NIPBL: variants seen among roughly 807,000 people sequenced by gnomAD.
NIPBL encodes NIPBL cohesin loading factor.
Under a neutral mutation model 321.8 loss-of-function variants are expected in NIPBL, and 19 were observed. The observed-to-expected ratio is 0.06, with a 90% CI of 0.04 to 0.09. The LOEUF is 0.09. Among genes scored for constraint, NIPBL ranks in the 10% least tolerant of loss-of-function variants. NIPBL has a pLI of 1.00. For missense variants in NIPBL, 2,210 were observed against 3,327.0 expected (o/e 0.66, Z 8.26); for synonymous variants, 1,106 against 1,114.1 (o/e 0.99, Z 0.14).
At chr5:36,932,072 G>T (rs541311330) in intron 1 of NIPBL, among the ~76,000 whole-genome samples, 1 of 151,824 alleles carries the variant, frequency 6.6e-6, no homozygotes, top group Non-Finnish European at 1.5e-5. Context: ...GATTTCTTTC[G>T]GTTATGGGTT....
chr5:37,038,907 A>G (rs1409120346), intron 34 of NIPBL, among the ~76,000 whole-genome samples, 169 bp downstream of exon 34: 1 of 152,172 alleles, frequency 6.6e-6, no homozygotes, highest in Non-Finnish European at 1.5e-5. Flanking sequence ...TCTGACATAA[A>G]TAAAGTTCAG....
intron 11 of NIPBL, among the ~76,000 whole-genome samples, chr5:36,999,584 G>T (rs887733249): frequency 2.0e-5 from 3 of 152,210 alleles, no homozygotes; most frequent in Non-Finnish European, 4.4e-5. Flanking sequence ...GTTGATGAGA[G>T]TTGATGTGTT....
intron 1 of NIPBL, among the ~76,000 whole-genome samples, chr5:36,906,064 G>T (rs1747612861): frequency 6.6e-6 from 1 of 152,028 alleles, no homozygotes; most frequent in Admixed American, 6.5e-5. Context: ...TATTAATGGG[G>T]AAGGAAAAAC....
At chr5:36,883,949 T>G (rs1267427369) in intron 1 of NIPBL, among the ~76,000 whole-genome samples, 1 of 152,042 alleles carries the variant, frequency 6.6e-6, no homozygotes, top group South Asian at 2.1e-4. Flanking sequence ...AATTTCTTCC[T>G]AGGGTTCTGC....
intron 1 of NIPBL, among the ~76,000 whole-genome samples, chr5:36,915,813 C>T (rs1748413436): frequency 6.6e-6 from 1 of 152,108 alleles, no homozygotes; most frequent in Non-Finnish European, 1.5e-5. Context: ...CCAAAACTGA[C>T]TTCATCTTTT....
intron 1 of NIPBL, among the ~76,000 whole-genome samples, chr5:36,922,399 G>A (rs1337220161): frequency 6.6e-6 from 1 of 151,996 alleles, no homozygotes; most frequent in Non-Finnish European, 1.5e-5. Context: ...TCTCATCTGA[G>A]GTTACCCACT....
chr5:37,011,291 C>T (rs1449784231), intron 21 of NIPBL, among the ~76,000 whole-genome samples: 1 of 152,160 alleles, frequency 6.6e-6, no homozygotes, highest in Non-Finnish European at 1.5e-5. Flanking sequence ...CACTTTGGCT[C>T]ATGCCCATAA....
At chr5:36,882,952 T>A (rs1745618588) in intron 1 of NIPBL, among the ~76,000 whole-genome samples, 1 of 151,894 alleles carries the variant, frequency 6.6e-6, no homozygotes, top group Admixed American at 6.6e-5. Context: ...TATTCAAATA[T>A]GCATATAAAT....
rs1749711796 is a variant in NIPBL at position 37,022,044 on chromosome 5, T to G, written c.5329-7T>G. On this transcript the variant is annotated splice_region_variant and splice_polypyrimidine_tract_variant and intron_variant, in intron 27 of 46. Coordinates refer to ENST00000282516, the MANE Select transcript of NIPBL (RefSeq NM_133433.4). ...AATTTACAAAAATGTCAATGTTTGC[T>G]TGGCAGATCCTACGAGTTCTTGGTG... is the stretch of plus-strand genomic sequence containing the variant. 1 of 1,612,590 alleles carries G rather than the reference T, an allele frequency of 6.2e-7. No homozygotes were observed. Among genetic ancestry groups the G allele is most frequent in the African/African-American group, 1.3e-5 (1 of 75,014 alleles).
At chr5:36,977,034 AGT>A (rs1743552762) in intron 9 of NIPBL, among the ~76,000 whole-genome samples, 1 of 152,008 alleles carries the variant, frequency 6.6e-6, no homozygotes. Context: ...CTGGTCTATG[AGT>A]TTATGAGCTT....
chr5:37,031,919 A>C (rs939477257), intron 32 of NIPBL, among the ~76,000 whole-genome samples: 1 of 152,210 alleles, frequency 6.6e-6, no homozygotes, highest in African/African-American at 2.4e-5. Flanking sequence ...ACTGGAAAAA[A>C]TCAGAAGAGT....
At position 36,985,806 on chromosome 5, in the gene NIPBL, G is replaced by T; in HGVS notation, c.2626G>T (p.Asp876Tyr). The T allele has an allele frequency of 6.2e-7, 1 of 1,613,870 alleles. No individual in the cohort carries two copies. The highest frequency in any genetic ancestry group is 8.5e-7 in the Non-Finnish European group (1 of 1,179,936). Residue 876 changes from aspartate to tyrosine, a missense_variant, in exon 10 of 47, where the codon GAC becomes TAC. Coordinates refer to ENST00000282516, the MANE Select transcript of NIPBL (RefSeq NM_133433.4). ...LERKHRHESG[D>Y]SRERPSSGEQ... Reference sequence around the variant, plus strand: ...ACGAAAACACAGGCATGAATCAGGGGACTCAAGGGAAAGACCATCTTCTGG... The same window carrying T: ...ACGAAAACACAGGCATGAATCAGGGTACTCAAGGGAAAGACCATCTTCTGG...
At chr5:36,941,374 G>T (rs1219220530) in intron 1 of NIPBL, among the ~76,000 whole-genome samples, 1 of 151,782 alleles carries the variant, frequency 6.6e-6, no homozygotes, top group East Asian at 1.9e-4. Context: ...AACAATAAAA[G>T]TCTCCTGTAA....
At chr5:37,009,813 G>A (rs774282166) in intron 20 of NIPBL, among the ~76,000 whole-genome samples, 8 of 152,148 alleles carry the variant, frequency 5.3e-5, no homozygotes, top group African/African-American at 9.7e-5. Context: ...TTTAGTAGTA[G>A]TATGAATTTT....
At chr5:36,914,651 A>C (rs955736410) in intron 1 of NIPBL, among the ~76,000 whole-genome samples, 1 of 152,228 alleles carries the variant, frequency 6.6e-6, no homozygotes, top group African/African-American at 2.4e-5. Context: ...ACATGTGCCA[A>C]AATTTGAAAA....
chr5:37,016,149 T>C lies in NIPBL; in HGVS notation c.4755T>C (p.Leu1585=), dbSNP rs1376694728. The change falls in exon 23 of 47, where the codon CTT becomes CTC. Residue 1585 remains leucine (L), a synonymous_variant. Transcript: ENST00000282516. ...KPEWPAAELL[L]SLLGRLLVHQ... The stretch of plus-strand genomic sequence containing the variant: ...AATGGCCAGCTGCTGAACTACTCCT[T>C]AGTTTGTTAGGGAGACTGTTGGTAA... The C allele has an allele frequency of 6.2e-7, 1 of 1,613,814 alleles. No individual in the cohort carries two copies. Among genetic ancestry groups the C allele is most frequent in the African/African-American group, 1.3e-5 (1 of 74,928 alleles).
chr5:37,024,531 A>T (rs1018441529), intron 29 of NIPBL, 54 bp from the exon 30 acceptor site: 2 of 1,480,972 alleles, frequency 1.4e-6, no homozygotes, highest in East Asian at 4.6e-5. Flanking sequence ...TTCTAATTTC[A>T]TACACTAGGC....
chr5:37,000,759 A>G (rs1746699196), intron 12 of NIPBL, 58 bp from the exon 13 acceptor site: 1 of 1,464,008 alleles, frequency 6.8e-7, no homozygotes, highest in South Asian at 1.2e-5. Context: ...AGAAACAAAA[A>G]TGGAATTATT....
Position 37,058,944 on chromosome 5 carries a change from T to C in NIPBL, c.7464T>C (p.Asn2488=). ...GAAAATCATCACCTAGTAAGGAAAA[T>C]GAGTCAAGCGACAGTGAAGAAGAAG... The part of the protein sequence containing the change: ...KERKSSPSKE[N]ESSDSEEEVS... The change falls in exon 44 of 47, where the codon AAT becomes AAC. Residue 2488 remains asparagine (N), a synonymous_variant. Transcript: ENST00000282516. 6.2e-7 allele frequency: 1 copy of C among 1,614,050 alleles called. No homozygotes were observed. The highest frequency in any genetic ancestry group is 2.2e-5 in the East Asian group (1 of 44,874).
Sources: allele counts gnomAD v4.1 joint callset (sites outside exome capture counted in the v4.1 genomes callset), GRCh38; gene constraint gnomAD v4.1.1; transcripts MANE v1.5; gene names NCBI Gene and HGNC (gene_info 2026-07-23, HGNC 2026-07-21).